Variants in VPS35L observed in about 807,000 individuals in gnomAD.
VPS35L encodes the protein VPS35 endosomal protein-sorting factor-like.
A neutral mutation model predicts 133.0 loss-of-function variants in VPS35L; 83 were observed. The observed-to-expected ratio is 0.62, with a 90% confidence interval of 0.52 to 0.75. The LOEUF is 0.75. Among genes scored for constraint, VPS35L ranks in the 30% least tolerant of loss-of-function variants. The pLI is 0.00. For missense variants in VPS35L, 1,083 were observed against 1,206.8 expected, an observed-to-expected ratio of 0.90 and a Z score of 1.52; for synonymous variants, 423 against 449.9, an observed-to-expected ratio of 0.94 and a Z score of 0.76.
At chr16:19,684,753 T>C (rs1316732287) in intron 28 of VPS35L, among the ~76,000 whole-genome samples, 1 of 152,180 alleles carries the variant, frequency 6.6e-6, no homozygotes, top group Non-Finnish European at 1.5e-5. Context: ...CACTGCTTTG[T>C]TGATTACAAA....
rs368524404 is a variant in VPS35L at position 19,691,318 on chromosome 16, T to C, written c.2528-35T>C. ...TCCCTGGCCAGCATGGCCGCGGGGC[T>C]TGGGTCTGTCTCACTGTTCTTGTTT... On this transcript the variant is annotated intron_variant, in intron 28 of 30. Coordinates refer to ENST00000417362, the MANE Select transcript of VPS35L (RefSeq NM_020314.7). 14 of 1,564,768 alleles carry C rather than the reference T, an allele frequency of 8.9e-6. No individual in the cohort carries two copies. In the African/African-American group the frequency reaches 1.9e-4, roughly 21 times the overall value.
intron 27 of VPS35L, among the ~76,000 whole-genome samples, chr16:19,681,773 C>T (rs1030185694): frequency 1.5e-4 from 23 of 152,146 alleles, no homozygotes; most frequent in Admixed American, 7.9e-4. Flanking sequence ...GTCACTGCCT[C>T]GAGTGGTGGC....
intron 28 of VPS35L, among the ~76,000 whole-genome samples, chr16:19,686,908 C>A (rs573703848): frequency 6.6e-6 from 1 of 152,108 alleles, no homozygotes. Flanking sequence ...CCTGTACTGC[C>A]CCCCCTTCCT....
chr16:19,687,029 CTGTT>C (rs1975486833), intron 28 of VPS35L, among the ~76,000 whole-genome samples: 2 of 152,262 alleles, frequency 1.3e-5, no homozygotes, highest in African/African-American at 4.8e-5. Context: ...TTGCAATTGC[CTGTT>C]TGTGTGTCTG....
At chr16:19,690,916 C>A (rs1428491296) in intron 28 of VPS35L, among the ~76,000 whole-genome samples, 1 of 151,460 alleles carries the variant, frequency 6.6e-6, no homozygotes, top group Admixed American at 6.6e-5. Flanking sequence ...CAGCCAAGAT[C>A]GTGCCACTGC....
intron 3 of VPS35L, among the ~76,000 whole-genome samples, chr16:19,572,215 C>A (rs1002400984): frequency 2.6e-5 from 4 of 152,058 alleles, no homozygotes; most frequent in African/African-American, 9.7e-5. Context: ...GTCAGGAATT[C>A]GAGACCAGCC....
At chr16:19,621,386 A>G (rs570385788) in intron 14 of VPS35L, among the ~76,000 whole-genome samples, 3 of 152,360 alleles carry the variant, frequency 2.0e-5, no homozygotes, top group African/African-American at 4.8e-5. Flanking sequence ...ACTTTTGTCT[A>G]TAAAGCATTT....
chr16:19,564,706 T>A (rs1404645835), intron 1 of VPS35L, 145 bp from the exon 2 acceptor site: 2 of 606,240 alleles, frequency 3.3e-6, no homozygotes, highest in Non-Finnish European at 5.7e-6. Flanking sequence ...GCCAAAAAGT[T>A]TGTTTTTAAA....
intron 14 of VPS35L, among the ~76,000 whole-genome samples, chr16:19,622,562 T>C (rs1413952219): frequency 6.6e-6 from 1 of 152,080 alleles, no homozygotes; most frequent in Non-Finnish European, 1.5e-5. Context: ...GTTCAGCATA[T>C]GGTTGAAAAA....
intron 9 of VPS35L, among the ~76,000 whole-genome samples, chr16:19,603,186 C>T (rs1972439627): frequency 6.6e-6 from 1 of 152,146 alleles, no homozygotes; most frequent in Non-Finnish European, 1.5e-5. Context: ...TAGGACCCAT[C>T]TTGTTTCATC....
intron 26 of VPS35L, among the ~76,000 whole-genome samples, chr16:19,664,225 C>A (rs1284005296): frequency 6.6e-6 from 1 of 152,094 alleles, no homozygotes; most frequent in Non-Finnish European, 1.5e-5. Flanking sequence ...TACTACAGTG[C>A]TCTTACAAAT....
In VPS35L at chr16:19,699,677, A is replaced by C. The variant is rs529756171; in HGVS notation, c.2793+29A>C. The C allele has an allele frequency of 6.2e-7, 1 of 1,609,926 alleles. No individual in the cohort carries two copies. The highest frequency in any genetic ancestry group is 1.7e-5 in the Admixed American group (1 of 60,004). ...AGGCGCTCGGAGGGCCCCGTGGTATAAGCCCACTGGCCAGTGCACAACCAC... is the reference window on the plus strand; with the variant it reads ...AGGCGCTCGGAGGGCCCCGTGGTATCAGCCCACTGGCCAGTGCACAACCAC... On this transcript the variant is annotated intron_variant, in intron 30 of 30. Transcript: ENST00000417362. This position sits in a 1 kb window ranked among gnomAD's most constrained non-coding sequence, Gnocchi z 4.2.
chr16:19,566,751 C>A (rs1252364344), intron 2 of VPS35L, among the ~76,000 whole-genome samples: 2 of 151,672 alleles, frequency 1.3e-5, no homozygotes, highest in Non-Finnish European at 2.9e-5. Flanking sequence ...TTGGCCCCCC[C>A]CTTTTTTTTC....
intron 6 of VPS35L, among the ~76,000 whole-genome samples, chr16:19,580,390 A>G (rs1971672678): frequency 6.6e-6 from 1 of 151,880 alleles, no homozygotes; most frequent in South Asian, 2.1e-4. Context: ...GGGATTACAG[A>G]TGTGAGCCAC....
intron 1 of VPS35L, among the ~76,000 whole-genome samples, chr16:19,559,589 C>T (rs537454239): frequency 1.1e-4 from 17 of 152,094 alleles, no homozygotes; most frequent in Non-Finnish European, 2.1e-4. Flanking sequence ...ACATCTCAGA[C>T]TTAGGGATCA....
In VPS35L at chr16:19,569,567, C is replaced by T. The variant is rs1366505380; in HGVS notation, c.261C>T (p.Asp87=). 5.1e-6 allele frequency: 8 copies of T among 1,567,962 alleles called. No individual in the cohort carries two copies. The highest frequency in any genetic ancestry group is 3.9e-5 in the Admixed American group (2 of 51,520). The change falls in exon 3 of 31, where the codon GAC becomes GAT. Residue 87 remains aspartate, a synonymous_variant. Coordinates refer to ENST00000417362, the MANE Select transcript of VPS35L (RefSeq NM_020314.7). ...TCTCCATGTTTGCAGCCACTGCTGA[C>T]CCCGCAGCCTTGGCAGCTGCCATGG... ...DPLSMFAATA[D]PAALAAAMDS...
At chr16:19,559,067 A>G (rs1275366065) in intron 1 of VPS35L, among the ~76,000 whole-genome samples, 1 of 152,192 alleles carries the variant, frequency 6.6e-6, no homozygotes, top group Non-Finnish European at 1.5e-5. Flanking sequence ...TTAGTAACCA[A>G]AAACTTATTT....
chr16:19,573,135 A>G lies in VPS35L; in HGVS notation c.302A>G (p.Lys101Arg). 1.2e-6 allele frequency: 2 copies of G among 1,613,694 alleles called. No individual in the cohort carries two copies. Among genetic ancestry groups the G allele is most frequent in the African/African-American group, 1.3e-5 (1 of 75,012 alleles). The change falls in exon 4 of 31, where the codon AAA (lysine) becomes AGA (arginine). Residue 101 changes from lysine to arginine, a missense_variant. Physicochemically the swap from Lys to Arg is conservative, Grantham distance 26. Transcript: ENST00000417362. ...LAAAMDSSRRKRDRDDNSVVG... is the reference protein window; with the variant it reads ...LAAAMDSSRRRRDRDDNSVVG... ...TTTCTTTAGGACAGCTCCAGAAGGA[A>G]ACGTGATAGAGATGATAACTCCGTT...
chr16:19,584,307 T>A (rs1971796032), intron 7 of VPS35L, among the ~76,000 whole-genome samples: 1 of 152,176 alleles, frequency 6.6e-6, no homozygotes, highest in South Asian at 2.1e-4. Context: ...TTACACTAAT[T>A]TGCATTTCCA....
Sources: gnomAD v4.1 joint callset for allele counts (sites outside exome capture counted in the v4.1 genomes callset) on GRCh38, gnomAD v4.1.1 for gene constraint, Gnocchi (gnomAD v3.1) non-coding constraint, MANE v1.5 for transcripts, NCBI Gene and HGNC (gene_info 2026-07-23, HGNC 2026-07-21) for gene names.